Variants in TSHZ2 observed in about 807,000 individuals in gnomAD.
TSHZ2 encodes teashirt zinc finger homeobox 2, also known as teashirt homolog 2.
Under a neutral mutation model 74.4 loss-of-function variants are expected in TSHZ2, and 21 were observed. That is an observed-to-expected ratio of 0.28 (90% CI 0.20 to 0.41). The LOEUF is 0.41. Ranked by LOEUF, TSHZ2 falls within the 10% of genes least tolerant of loss-of-function variation. The pLI is 1.00. For synonymous variants in TSHZ2, 540 were observed against 515.3 expected, an observed-to-expected ratio of 1.05 and a Z score of -0.65; for missense variants, 1,244 against 1,293.5, an observed-to-expected ratio of 0.96 and a Z score of 0.59.
At chr20:53,057,836 AAG>A (rs1984692220) in intron 1 of TSHZ2, among the ~76,000 whole-genome samples, 1 of 152,166 alleles carries the variant, frequency 6.6e-6, no homozygotes, top group Non-Finnish European at 1.5e-5. Context: ...GTCCATTGTG[AAG>A]GATGGGCAGA....
intron 1 of TSHZ2, among the ~76,000 whole-genome samples, chr20:53,081,975 C>A (rs942097693): frequency 6.6e-6 from 1 of 151,550 alleles, no homozygotes; most frequent in Non-Finnish European, 1.5e-5. Flanking sequence ...GTTCTTATTC[C>A]CATTCCACAA....
chr20:53,472,432 T>C (rs1023170619), intron 2 of TSHZ2, among the ~76,000 whole-genome samples: 16 of 152,190 alleles, frequency 1.1e-4, no homozygotes, highest in South Asian at 2.1e-4. Flanking sequence ...CCATTTCCTG[T>C]GAAGAGGAAT....
At chr20:53,324,119 C>A (rs1176748110) in intron 2 of TSHZ2, among the ~76,000 whole-genome samples, 1 of 152,156 alleles carries the variant, frequency 6.6e-6, no homozygotes, top group African/African-American at 2.4e-5. Flanking sequence ...CCACAGCAAA[C>A]ATTTTCTTTT....
rs930174039 is a variant in TSHZ2 at position 53,487,913 on chromosome 20, A to G, written c.*778A>G. The G allele has an allele frequency of 3.3e-5, 5 of 152,200 alleles. No homozygotes were observed. Among genetic ancestry groups the G allele is most frequent in the African/African-American group, 1.2e-4 (5 of 41,446 alleles). The allele number at this position is 152,200 out of a possible 1,614,324, so 9.4% of individuals were successfully genotyped here. A position where few individuals can be genotyped will look rare whatever the true frequency, so the allele number is the denominator to read the frequency against. On this transcript the variant is annotated 3_prime_UTR_variant, in exon 3 of 3. Transcript: ENST00000371497. ...ATTATCTTGATTGGCTGAAAAAAAA[A>G]TAGTTTTAAGCACACACCACTGTCT...
chr20:53,284,698 T>A lies in TSHZ2; in HGVS notation c.*8+28127T>A, dbSNP rs529635681. Among the ~76,000 whole-genome samples, 11 of 151,574 alleles carry A rather than the reference T, an allele frequency of 7.3e-5. No individual in the cohort carries two copies. The East Asian group carries it at 2.1e-3, about 30-fold the overall frequency. On this transcript the variant is annotated intron_variant, in intron 2 of 2. Transcript: ENST00000371497. ...TAATTAGCAAATCTTGTTGGGATTT[T>A]CCCCCCTACACGCCCGTCCCCCCCA...
intron 1 of TSHZ2, among the ~76,000 whole-genome samples, chr20:53,228,536 T>C (rs910615922): frequency 1.3e-5 from 2 of 152,210 alleles, no homozygotes; most frequent in African/African-American, 4.8e-5. Context: ...GTTTTGGGGC[T>C]GTCCTGGGCA....
At chr20:53,085,372 A>G (rs1350441936) in intron 1 of TSHZ2, among the ~76,000 whole-genome samples, 5 of 150,538 alleles carry the variant, frequency 3.3e-5, no homozygotes, top group Non-Finnish European at 7.4e-5. Context: ...CTCAAAAAGA[A>G]AGAGAGAGAG....
chr20:53,450,809 C>A (rs1984748148), intron 2 of TSHZ2, among the ~76,000 whole-genome samples: 1 of 152,158 alleles, frequency 6.6e-6, no homozygotes, highest in African/African-American at 2.4e-5. Context: ...GTCATGTAAT[C>A]CACCACTCCT....
intron 2 of TSHZ2, among the ~76,000 whole-genome samples, chr20:53,313,303 G>T (rs757695887): frequency 9.2e-5 from 14 of 152,158 alleles, no homozygotes; most frequent in Non-Finnish European, 1.6e-4. Context: ...TAGCCATTTT[G>T]CATGGGAATA....
chr20:53,353,647 C>A (rs941696078), intron 2 of TSHZ2, among the ~76,000 whole-genome samples: 5 of 152,164 alleles, frequency 3.3e-5, no homozygotes, highest in Non-Finnish European at 5.9e-5. Context: ...CCTTTGTAAC[C>A]AAACTTTTAC....
Position 53,493,284 on chromosome 20 carries a change from T to C in TSHZ2, c.*6149T>C, listed in dbSNP as rs61367757. On this transcript the variant is annotated 3_prime_UTR_variant, in exon 3 of 3. Transcript: ENST00000371497. ...GCTTATGAAAGAATTAGATCTGAGT[T>C]TACAAAGAAACTATAAGAACCAAGT... is the stretch of plus-strand genomic sequence containing the variant. 1 of 152,194 alleles carries C rather than the reference T, an allele frequency of 6.6e-6. No individual in the cohort carries two copies. Among genetic ancestry groups the C allele is most frequent in the South Asian group, 2.1e-4 (1 of 4,832 alleles). 9.4% of individuals were successfully genotyped at this position (152,194 alleles called of 1,614,324 possible). A position where few individuals can be genotyped will look rare whatever the true frequency, so the allele number is the denominator to read the frequency against.
At chr20:53,363,064 G>T (rs1161930741) in intron 2 of TSHZ2, among the ~76,000 whole-genome samples, 4 of 152,206 alleles carry the variant, frequency 2.6e-5, no homozygotes, top group Non-Finnish European at 5.9e-5. Flanking sequence ...GGTGCACAGT[G>T]AGTGGGTGGA....
At chr20:53,020,543 G>C (rs201161876) in intron 1 of TSHZ2, among the ~76,000 whole-genome samples, 3 of 152,136 alleles carry the variant, frequency 2.0e-5, no homozygotes, top group Admixed American at 6.6e-5. Context: ...GGCTATTTTT[G>C]GCCCCATAAA....
chr20:53,481,233 G>A (rs1986138795), intron 2 of TSHZ2, among the ~76,000 whole-genome samples: 1 of 151,286 alleles, frequency 6.6e-6, no homozygotes, highest in Admixed American at 6.6e-5. Context: ...CTCCTCTTTA[G>A]GCACAGAGAG....
chr20:53,397,110 C>A (rs372073425), intron 2 of TSHZ2, among the ~76,000 whole-genome samples: 86 of 152,168 alleles, frequency 5.7e-4, no homozygotes, highest in Non-Finnish European at 1.1e-3. Flanking sequence ...GCAACAAAAG[C>A]CAAAATTGAC....
chr20:53,077,024 A>G (rs1234178892), intron 1 of TSHZ2, among the ~76,000 whole-genome samples: 1 of 152,306 alleles, frequency 6.6e-6, no homozygotes, highest in African/African-American at 2.4e-5. Context: ...ATGGAAAAGC[A>G]AAAGAGGGGA....
At chr20:53,384,111 G>A (rs542617490) in intron 2 of TSHZ2, among the ~76,000 whole-genome samples, 9 of 152,290 alleles carry the variant, frequency 5.9e-5, no homozygotes, top group African/African-American at 1.4e-4. Context: ...ATGCAAGACC[G>A]GGGCCAAGGG....
intron 2 of TSHZ2, among the ~76,000 whole-genome samples, chr20:53,270,582 C>G (rs1990813509): frequency 6.6e-6 from 1 of 152,050 alleles, no homozygotes; most frequent in Admixed American, 6.6e-5. Context: ...TCTGGCATCC[C>G]TTGGTGAAAT....
chr20:53,485,463 C>A (rs1028330851), intron 2 of TSHZ2, among the ~76,000 whole-genome samples: 1 of 152,126 alleles, frequency 6.6e-6, no homozygotes, highest in Admixed American at 6.5e-5. Flanking sequence ...AATCCCAGCT[C>A]TTTGGGAGGC....
Sources: gnomAD v4.1 joint callset for allele counts (sites outside exome capture counted in the v4.1 genomes callset) on GRCh38, gnomAD v4.1.1 for gene constraint, MANE v1.5 for transcripts, NCBI Gene and HGNC (gene_info 2026-07-23, HGNC 2026-07-21) for gene names.